MGST1: variants seen among roughly 807,000 people sequenced by gnomAD.
MGST1 encodes the protein microsomal glutathione S-transferase 1.
In MGST1, 5 loss-of-function variants were observed where a neutral mutation model predicts 8.9. That is an observed-to-expected ratio of 0.56 (90% CI 0.29 to 1.19). The LOEUF is 1.19. Among genes scored for constraint, MGST1 ranks in the 50% most tolerant of loss-of-function variants. The pLI is 0.08. For synonymous variants in MGST1, 54 were observed against 67.8 expected (o/e 0.80, Z 1.00); for missense variants, 182 against 187.4 (o/e 0.97, Z 0.17).
chr12:16,549,189 A>AATT (rs1265599299), intron 4 of MGST1: 15 of 152,162 alleles, frequency 9.9e-5, no homozygotes, highest in African/African-American at 3.1e-4. Flanking sequence ...ACATATTTTT[A>AATT]ATTTGTCTTG....
At chr12:16,386,269 T>C (rs1453022279) in intron 1 of MGST1, among the ~76,000 whole-genome samples, 1 of 152,208 alleles carries the variant, frequency 6.6e-6, no homozygotes, top group Non-Finnish European at 1.5e-5. Context: ...ACATCAGTGC[T>C]GTACACGCGG....
At chr12:16,443,108 C>A (rs926212020), downstream of MGST1, among the ~76,000 whole-genome samples, 1 of 151,734 alleles carries the variant, frequency 6.6e-6, no homozygotes, top group Non-Finnish European at 1.5e-5. Context: ...ATCTCTATGA[C>A]ATGTCTCTTT....
chr12:16,565,986 A>G (rs558987655), intron 4 of MGST1, among the ~76,000 whole-genome samples: 11 of 3,256 alleles, frequency 3.4e-3, no homozygotes, highest in Non-Finnish European at 5.6e-3. Context: ...AATGTGCCAT[A>G]TATATATATA....
At chr12:16,549,241 A>G (rs912183874) in intron 4 of MGST1, 3 of 152,106 alleles carry the variant, frequency 2.0e-5, no homozygotes, top group Admixed American at 2.0e-4. Context: ...TCTTCATGAA[A>G]CAAGTGTAAG....
rs1941812972 is a variant in MGST1, at chr12:16,544,694, C to A, written n.483-44834C>A. Among the ~76,000 whole-genome samples, 1 of 151,996 alleles carries A rather than the reference C, an allele frequency of 6.6e-6. No homozygotes were observed. Among genetic ancestry groups the A allele is most frequent in the Non-Finnish European group, 1.5e-5 (1 of 67,950 alleles). ...GAGGGGACAAAAATATCAAAATAAT[C>A]CTATAGCTTATAATGAGATACTAAA... is the stretch of plus-strand genomic sequence containing the variant. On this transcript the variant is annotated intron_variant and non_coding_transcript_variant, in intron 4 of 4. Transcript: ENST00000538857. The surrounding 1 kb of genome is among the most constrained non-coding windows in gnomAD (Gnocchi z 4.8).
At chr12:16,402,178 CT>C (rs532785094) in intron 1 of MGST1, 344 of 1,522,200 alleles carry the variant, frequency 2.3e-4, no homozygotes, top group Middle Eastern at 7.3e-4. Context: ...AAAAACTCCA[CT>C]TTTTTTTTGC....
intron 1 of MGST1, among the ~76,000 whole-genome samples, chr12:16,350,195 A>C (rs573899900): frequency 6.6e-6 from 1 of 152,158 alleles, no homozygotes; most frequent in Non-Finnish European, 1.5e-5. Context: ...CCGAATGCCA[A>C]TCTAGTTCCA....
intron 4 of MGST1, among the ~76,000 whole-genome samples, chr12:16,525,302 C>A (rs1392480117): frequency 1.0e-4 from 13 of 130,494 alleles, no homozygotes; most frequent in African/African-American, 3.1e-4. Flanking sequence ...CCCCTCCCCC[C>A]ACCCCACAAC....
At chr12:16,384,382 A>T (rs1247957258) in intron 1 of MGST1, among the ~76,000 whole-genome samples, 3 of 152,162 alleles carry the variant, frequency 2.0e-5, no homozygotes, top group Admixed American at 1.3e-4. Context: ...AATGGCAAAT[A>T]ATTAGAAGAG....
chr12:16,354,447 T>A, intron 2 of MGST1, 69 bp downstream of exon 2: 1 of 1,517,980 alleles, frequency 6.6e-7, no homozygotes, highest in Non-Finnish European at 8.8e-7. Context: ...TTTTCTTAAT[T>A]TTCTTTTTTT....
At chr12:16,354,534 A>T (rs1377551467) in intron 2 of MGST1, 156 bp downstream of exon 2, 2 of 600,196 alleles carry the variant, frequency 3.3e-6, no homozygotes, top group Non-Finnish European at 5.4e-6. Flanking sequence ...GATGGATCTG[A>T]TGTATTTATG....
intron 4 of MGST1, among the ~76,000 whole-genome samples, chr12:16,535,884 T>C (rs1941754220): frequency 6.6e-6 from 1 of 152,216 alleles, no homozygotes; most frequent in Admixed American, 6.5e-5. Flanking sequence ...TGAGATTATC[T>C]ATGAGTATTT....
At chr12:16,505,849 A>AAATCAGTG (rs1236637143) in intron 4 of MGST1, among the ~76,000 whole-genome samples, 1 of 152,216 alleles carries the variant, frequency 6.6e-6, no homozygotes, top group African/African-American at 2.4e-5. Context: ...CAACGAATAT[A>AAATCAGTG]AATCAGTGAA....
chr12:16,406,140 G>A (rs1940696340), intron 1 of MGST1, among the ~76,000 whole-genome samples: 1 of 152,132 alleles, frequency 6.6e-6, no homozygotes, highest in African/African-American at 2.4e-5. Context: ...GTTTGCAGCT[G>A]ACGTAATTCT....
In MGST1 at chr12:16,559,196, AAAATCTATCAAGTGTTCTAAT is replaced by A. The variant is rs1219996348; in HGVS notation, n.483-30331_483-30311del. ...GAAAGTCAGTGAATTCATTTTCATT[AAAATCTATCAAGTGTTCTAAT>A]TTTTGAAATGTTGTATTTTTAATAC... is the stretch of plus-strand genomic sequence containing the variant. On this transcript the variant is annotated intron_variant and non_coding_transcript_variant, in intron 4 of 4. Coordinates refer to the MGST1 transcript ENST00000538857. This position sits in a 1 kb window ranked among gnomAD's most constrained non-coding sequence, Gnocchi z 4.1. Among the ~76,000 whole-genome samples, 3 of 152,234 alleles carry A rather than the reference AAAATCTATCAAGTGTTCTAAT, an allele frequency of 2.0e-5. No homozygotes were observed. Among genetic ancestry groups the A allele is most frequent in the Non-Finnish European group, 4.4e-5 (3 of 68,028 alleles).
chr12:16,366,958 G>A (rs1940203490), downstream of MGST1, among the ~76,000 whole-genome samples: 1 of 152,134 alleles, frequency 6.6e-6, no homozygotes, highest in Admixed American at 6.6e-5. This position sits in a 1 kb window ranked among gnomAD's most constrained non-coding sequence, Gnocchi z 4.0. Context: ...AATTACTGTA[G>A]CAAGGGCAAA....
chr12:16,353,800 C>T (rs1939585810), intron 1 of MGST1, among the ~76,000 whole-genome samples: 1 of 143,560 alleles, frequency 7.0e-6, no homozygotes, highest in Non-Finnish European at 1.5e-5. Flanking sequence ...CTCTCTGTCG[C>T]CCAGGCTACA....
intron 1 of MGST1, chr12:16,399,996 G>T: frequency 6.8e-7 from 1 of 1,472,972 alleles, no homozygotes; most frequent in Non-Finnish European, 9.5e-7. Context: ...AGGTACTCCT[G>T]TAGGGAGCTC....
chr12:16,530,725 A>T (rs1397634779), intron 4 of MGST1, among the ~76,000 whole-genome samples: 1 of 152,090 alleles, frequency 6.6e-6, no homozygotes, highest in African/African-American at 2.4e-5. Context: ...GTAACTCTCC[A>T]TCATGGGCCA....
Sources: allele counts gnomAD v4.1 joint callset (sites outside exome capture counted in the v4.1 genomes callset), GRCh38; gene constraint gnomAD v4.1.1; non-coding constraint Gnocchi (gnomAD v3.1); transcripts MANE v1.5; gene names NCBI Gene and HGNC (gene_info 2026-07-23, HGNC 2026-07-21).